DNM3: variants seen among roughly 807,000 people sequenced by gnomAD.
DNM3 encodes dynamin 3, also known as dynamin-3.
DNM3 carries 47 observed loss-of-function variants against 101.6 expected under a neutral mutation model. That is an observed-to-expected ratio of 0.46 (90% CI 0.37 to 0.59). The LOEUF (loss-of-function observed/expected upper bound fraction) is 0.59. Among genes scored for constraint, DNM3 ranks in the 20% least tolerant of loss-of-function variants. The pLI, the probability that DNM3 is intolerant of heterozygous loss-of-function variation, is 0.00. For missense variants in DNM3, 849 were observed against 1,085.7 expected (o/e 0.78, Z 3.06); for synonymous variants, 385 against 387.9 (o/e 0.99, Z 0.09).
Position 172,094,496 on chromosome 1 carries a change from G to C in DNM3, c.1545+1621G>C, listed in dbSNP as rs181501623. Among the ~76,000 whole-genome samples the C allele has an allele frequency of 3.9e-5, 6 of 152,228 alleles. No individual in the cohort carries two copies. The East Asian group carries it at 1.2e-3, about 29-fold the overall frequency. ...AGGTTTTAGACCTAGACATTCCTGGGTTCAAATTCTGTTCTGTCACTTAAG... is the reference window on the plus strand; with the variant it reads ...AGGTTTTAGACCTAGACATTCCTGGCTTCAAATTCTGTTCTGTCACTTAAG... On this transcript the variant is annotated intron_variant, in intron 13 of 20. Coordinates refer to ENST00000627582, the MANE Select transcript of DNM3 (RefSeq NM_015569.5).
In DNM3 at chr1:172,032,526, CTTTT is replaced by C. The variant is rs750270768; in HGVS notation, c.688+52_688+55del. 4.7e-3 allele frequency: 1,676 copies of C among 359,816 alleles called. 4 individuals carry two copies. Among genetic ancestry groups the C allele is most frequent in the African/African-American group, 0.018 (619 of 33,520 alleles). 22.3% of individuals were successfully genotyped at this position (359,816 alleles called of 1,614,324 possible). A position where few individuals can be genotyped will look rare whatever the true frequency, so the allele number is the denominator to read the frequency against. On this transcript the variant is annotated intron_variant, in intron 5 of 20. Transcript: ENST00000627582. Reference sequence around the variant, plus strand: ...GTAATGTACTGTGGTCTATACAAGACTTTTTTTTTTTTTTTTTTTTTTTTTTTTT... The same window carrying C: ...GTAATGTACTGTGGTCTATACAAGACTTTTTTTTTTTTTTTTTTTTTTTTT...
chr1:172,100,510 A>G (rs976019169), intron 13 of DNM3, among the ~76,000 whole-genome samples: 5 of 152,208 alleles, frequency 3.3e-5, no homozygotes, highest in African/African-American at 1.2e-4. Flanking sequence ...AAGATTGCCA[A>G]CATCCTAGCC....
At chr1:171,841,903 A>T (rs1460179779) in intron 1 of DNM3, 86 bp downstream of exon 1, 1 of 1,309,488 alleles carries the variant, frequency 7.6e-7, no homozygotes, top group Non-Finnish European at 9.9e-7. Flanking sequence ...AGCGGGAGCC[A>T]GAGGGTGGAT....
At chr1:172,312,477 G>A (rs1211463701) in intron 16 of DNM3, among the ~76,000 whole-genome samples, 1 of 152,134 alleles carries the variant, frequency 6.6e-6, no homozygotes, top group African/African-American at 2.4e-5. Flanking sequence ...TTATTTTCTA[G>A]TAAGGTTACA....
intron 1 of DNM3, among the ~76,000 whole-genome samples, chr1:171,900,597 G>A (rs2038225367): frequency 6.6e-6 from 1 of 152,144 alleles, no homozygotes; most frequent in South Asian, 2.1e-4. Flanking sequence ...GTAGGAAACT[G>A]ACCTGAATTT....
intron 17 of DNM3, among the ~76,000 whole-genome samples, chr1:172,324,000 ATGT>A (rs1183584410): frequency 6.6e-6 from 1 of 152,122 alleles, no homozygotes. Flanking sequence ...AATTATTTTA[ATGT>A]TGTTGTTATA....
intron 12 of DNM3, among the ~76,000 whole-genome samples, chr1:172,087,043 G>A (rs952415674): frequency 7.3e-5 from 11 of 151,538 alleles, no homozygotes; most frequent in African/African-American, 2.4e-4. Flanking sequence ...TTCACTTTTC[G>A]GCCCACTGCA....
chr1:171,960,334 T>G (rs1397246328), intron 2 of DNM3, among the ~76,000 whole-genome samples: 1 of 152,158 alleles, frequency 6.6e-6, no homozygotes, highest in East Asian at 1.9e-4. Flanking sequence ...ATAATAAAAT[T>G]TATGTTGTTT....
chr1:172,284,718 T>C (rs2063630176), intron 15 of DNM3, among the ~76,000 whole-genome samples: 2 of 152,208 alleles, frequency 1.3e-5, no homozygotes, highest in Admixed American at 6.5e-5. Context: ...ATAGAAACTT[T>C]CAGGTTGAAG....
At chr1:172,375,920 G>T (rs1391227899) in intron 17 of DNM3, among the ~76,000 whole-genome samples, 2 of 151,648 alleles carry the variant, frequency 1.3e-5, no homozygotes, top group South Asian at 2.1e-4. Flanking sequence ...TGAGTTCAGG[G>T]GTTCGAGACT....
rs2031171351 is a variant in DNM3 at position 171,841,510 on chromosome 1, C to A, written c.-147C>A. 1 of 1,152,050 alleles carries A rather than the reference C, an allele frequency of 8.7e-7. No individual in the cohort carries two copies. The highest frequency in any genetic ancestry group is 1.2e-6 in the Non-Finnish European group (1 of 860,142). 71.4% of individuals were successfully genotyped at this position (1,152,050 alleles called of 1,614,324 possible). ...GTCGTTAGCTGTCAGAGCCAAGCGG[C>A]GGGCTGGCGGCGGGCTCCGACGTCT... is the stretch of plus-strand genomic sequence containing the variant. On this transcript the variant is annotated 5_prime_UTR_variant, in exon 1 of 21. Coordinates refer to ENST00000627582, the MANE Select transcript of DNM3 (RefSeq NM_015569.5).
intron 11 of DNM3, among the ~76,000 whole-genome samples, chr1:172,073,749 G>A (rs150520739): frequency 1.3e-5 from 2 of 152,326 alleles, no homozygotes; most frequent in African/African-American, 2.4e-5. Context: ...AGATATTCAG[G>A]CAGAGATCTG....
chr1:171,843,558 A>G (rs1277462338), intron 1 of DNM3, among the ~76,000 whole-genome samples: 1 of 152,236 alleles, frequency 6.6e-6, no homozygotes, highest in Non-Finnish European at 1.5e-5. Context: ...TAAGTATTTC[A>G]AATGAAATTA....
At chr1:171,899,336 A>AT (rs1183133676) in intron 1 of DNM3, among the ~76,000 whole-genome samples, 3 of 152,174 alleles carry the variant, frequency 2.0e-5, no homozygotes, top group African/African-American at 7.2e-5. Context: ...TTTCTTTCAA[A>AT]TGTGGATGTG....
At chr1:172,072,238 C>G (rs1446972004) in intron 11 of DNM3, among the ~76,000 whole-genome samples, 4 of 152,158 alleles carry the variant, frequency 2.6e-5, no homozygotes, top group Admixed American at 1.3e-4. Context: ...AGAGGCAAAA[C>G]TACAACTAAT....
chr1:172,189,677 G>T (rs2148429690), intron 14 of DNM3, among the ~76,000 whole-genome samples: 1 of 152,088 alleles, frequency 6.6e-6, no homozygotes, highest in African/African-American at 2.4e-5. Flanking sequence ...CTGAGGCTGG[G>T]TAACTTACTA....
intron 13 of DNM3, among the ~76,000 whole-genome samples, chr1:172,106,750 A>C (rs1393750779): frequency 2.7e-5 from 4 of 150,360 alleles, no homozygotes; most frequent in African/African-American, 9.8e-5. Context: ...CTTAGAAAAC[A>C]TTCTTGCTTT....
chr1:172,189,689 G>T (rs569835123), intron 14 of DNM3, among the ~76,000 whole-genome samples: 43 of 152,110 alleles, frequency 2.8e-4, no homozygotes, highest in Middle Eastern at 3.4e-3. Context: ...AACTTACTAA[G>T]AAAAGAGATT....
intron 1 of DNM3, among the ~76,000 whole-genome samples, chr1:171,853,245 C>G (rs2033186074): frequency 6.6e-6 from 1 of 152,072 alleles, no homozygotes. Flanking sequence ...CTCACTGCAG[C>G]CTTGATATCC....
Sources: allele counts gnomAD v4.1 joint callset (sites outside exome capture counted in the v4.1 genomes callset), GRCh38; gene constraint gnomAD v4.1.1; transcripts MANE v1.5; gene names NCBI Gene and HGNC (gene_info 2026-07-23, HGNC 2026-07-21).